Variants in ADH1C observed in about 807,000 individuals in gnomAD.
The protein encoded by ADH1C is alcohol dehydrogenase 1C (class I), gamma polypeptide, also known as alcohol dehydrogenase 1C.
ADH1C carries 26 observed loss-of-function variants against 35.0 expected under a neutral mutation model. The ratio of observed to expected loss-of-function variants is 0.74; its 90% CI spans 0.54 to 1.03. ADH1C has a LOEUF of 1.03. Among genes scored for constraint, ADH1C ranks in the 50% least tolerant of loss-of-function variants. The probability of loss-of-function intolerance (pLI) is 0.00; values close to 1 mark genes in which losing one functional copy is unlikely to be tolerated. For missense variants in ADH1C, 413 were observed against 465.4 expected (o/e 0.89, Z 1.04); for synonymous variants, 170 against 169.3 (o/e 1.00, Z -0.03).
intron 2 of ADH1C, 33 bp downstream of exon 2, chr4:99,347,712 T>TA: frequency 6.4e-7 from 1 of 1,568,246 alleles, no homozygotes; most frequent in Non-Finnish European, 8.7e-7. Context: ...TCTTTAAACT[T>TA]AAAATTAAAT....
chr4:99,351,559 T>C (rs991012242), intron 1 of ADH1C, among the ~76,000 whole-genome samples: 1 of 152,264 alleles, frequency 6.6e-6, no homozygotes, highest in Admixed American at 6.5e-5. Flanking sequence ...TTTTCTTTTT[T>C]CTAATTATTT....
At chr4:99,338,341 T>A (rs1458068351) in intron 8 of ADH1C, among the ~76,000 whole-genome samples, 1 of 141,480 alleles carries the variant, frequency 7.1e-6, no homozygotes, top group Non-Finnish European at 1.5e-5. Context: ...TCTATGATGA[T>A]GTCAATGATA....
At position 99,336,750 on chromosome 4, in the gene ADH1C, T is replaced by C. The variant is rs2298753; in HGVS notation, c.*2A>G. ...GCTACAAGGGAAGGCATCTGTATTG[T>C]TTCAAAACGTCAGGACGGTACGGAT... On this transcript the variant is annotated 3_prime_UTR_variant, in exon 9 of 9. Coordinates refer to ENST00000515683, the MANE Select transcript of ADH1C (RefSeq NM_000669.5). 154,696 of 1,613,352 alleles carry C rather than the reference T, an allele frequency of 0.096. 8,000 individuals carry two copies. The highest frequency in any genetic ancestry group is 0.13 in the Admixed American group (7,845 of 59,936).
At position 99,346,893 on chromosome 4, in the gene ADH1C, C is replaced by G. The variant is rs993596202; in HGVS notation, c.259+113G>C. On this transcript the variant is annotated intron_variant, in intron 3 of 8. Transcript: ENST00000515683. The stretch of plus-strand genomic sequence containing the variant: ...GAGGAAACCCCTGAAGTCCCAGCTT[C>G]CCTGTGACCTTGTGCAAGTCCTTTC... The G allele has an allele frequency of 2.7e-6, 4 of 1,509,302 alleles. No individual in the cohort carries two copies. In the Admixed American group the frequency reaches 8.6e-5, roughly 32 times the overall value. The allele number at this position is 1,509,302 out of a possible 1,614,324, so 93.5% of individuals were successfully genotyped here.
chr4:99,349,997 A>G (rs2110664244), intron 1 of ADH1C, among the ~76,000 whole-genome samples: 1 of 152,350 alleles, frequency 6.6e-6, no homozygotes, highest in South Asian at 2.1e-4. Context: ...TGTACAATTC[A>G]CTGAGCTCTT....
At chr4:99,351,384 A>G (rs1216167234) in intron 1 of ADH1C, among the ~76,000 whole-genome samples, 1 of 152,192 alleles carries the variant, frequency 6.6e-6, no homozygotes, top group East Asian at 1.9e-4. Flanking sequence ...AGGACGGGTA[A>G]ACATAAATGA....
intron 8 of ADH1C, among the ~76,000 whole-genome samples, chr4:99,339,024 TACA>T (rs570810837): frequency 2.0e-3 from 300 of 152,178 alleles, no homozygotes; most frequent in Middle Eastern, 0.014. Flanking sequence ...CCTTCTCTTT[TACA>T]ACAACTTTTC....
Position 99,342,858 on chromosome 4 carries a change from T to C in ADH1C, c.765A>G (p.Leu255=). Residue 255 remains leucine (L), a synonymous_variant, in exon 6 of 9, where the codon CTA becomes CTG. Transcript: ENST00000515683. ...QDYKKPIQEV[L]KEMTDGGVDF... ...CCACACCTCCATCAGTCATTTCCTTTAGCACTTCCTGAATGGGTTTCTTGT... is the reference window on the plus strand; with the variant it reads ...CCACACCTCCATCAGTCATTTCCTTCAGCACTTCCTGAATGGGTTTCTTGT... 1 of 1,614,058 alleles carries C rather than the reference T, an allele frequency of 6.2e-7. No homozygotes were observed. Among genetic ancestry groups the C allele is most frequent in the South Asian group, 1.1e-5 (1 of 91,076 alleles).
intron 1 of ADH1C, among the ~76,000 whole-genome samples, chr4:99,349,864 A>G (rs1734635220): frequency 6.6e-6 from 1 of 152,086 alleles, no homozygotes; most frequent in African/African-American, 2.4e-5. Flanking sequence ...AAACTGGAGA[A>G]ACTGTGTATT....
chr4:99,344,441 G>T (rs1734482034), intron 5 of ADH1C, among the ~76,000 whole-genome samples: 1 of 152,132 alleles, frequency 6.6e-6, no homozygotes, highest in Non-Finnish European at 1.5e-5. Flanking sequence ...TCCTAATTCT[G>T]GGAGGAGAGG....
At chr4:99,344,333 C>G (rs896762963) in intron 5 of ADH1C, among the ~76,000 whole-genome samples, 2 of 152,146 alleles carry the variant, frequency 1.3e-5, no homozygotes, top group African/African-American at 4.8e-5. Flanking sequence ...GTGAATTATG[C>G]ATCACTGAGT....
intron 8 of ADH1C, among the ~76,000 whole-genome samples, chr4:99,338,142 G>A (rs1252337087): frequency 6.6e-6 from 1 of 151,292 alleles, no homozygotes; most frequent in Non-Finnish European, 1.5e-5. Context: ...AAGCATCCAA[G>A]TCACCTTACT....
intron 8 of ADH1C, among the ~76,000 whole-genome samples, chr4:99,338,449 A>T (rs1352198535): frequency 1.9e-4 from 19 of 100,630 alleles, no homozygotes; most frequent in East Asian, 3.2e-4. Flanking sequence ...ATATATACAC[A>T]CTCTTGAGGG....
At chr4:99,338,428 TATATATATATATATATAC>T (rs1264425287) in intron 8 of ADH1C, among the ~76,000 whole-genome samples, 1,770 of 84,596 alleles carry the variant, frequency 0.021, 265 homozygotes, top group African/African-American at 0.068. Flanking sequence ...TATATATATA[TATATATATATATATATAC>T]ACACTCTTGA....
chr4:99,339,069 A>G (rs1039528424), intron 8 of ADH1C, among the ~76,000 whole-genome samples: 4 of 152,046 alleles, frequency 2.6e-5, no homozygotes, highest in Non-Finnish European at 5.9e-5. Context: ...ACTGCAAAGA[A>G]AAGAAAAGAA....
At position 99,343,012 on chromosome 4, in the gene ADH1C, AC is replaced by A; in HGVS notation, c.610del (p.Val204SerfsTer52). 6.2e-7 allele frequency: 1 copy of A among 1,613,922 alleles called. No homozygotes were observed. The part of the protein sequence containing the change: ...STCAVFGLGG[V>X]GLSVVMGCKA... ...ACAGCCCATAACAACAGATAGGCCG[AC>A]CCCTCCCAGGCCAAACACAGCACAG... On this transcript the variant is annotated frameshift_variant, in exon 6 of 9. Transcript: ENST00000515683. LOFTEE classifies it high-confidence loss of function.
rs566147107 is a variant in ADH1C at position 99,346,567 on chromosome 4, C to T, written c.259+439G>A. Among the ~76,000 whole-genome samples the T allele has an allele frequency of 2.0e-5, 3 of 152,230 alleles. No individual in the cohort carries two copies. In the East Asian group the frequency reaches 5.8e-4, roughly 29 times the overall value. Reference sequence around the variant, plus strand: ...AAGGTCATGTTTCTTCAGCCATAACCATGCAGCCTCCATTTTGTGAACTCA... The same window carrying T: ...AAGGTCATGTTTCTTCAGCCATAACTATGCAGCCTCCATTTTGTGAACTCA... On this transcript the variant is annotated intron_variant, in intron 3 of 8. Transcript: ENST00000515683.
chr4:99,340,741 A>T (rs1214935845), intron 6 of ADH1C, 31 bp from the exon 7 acceptor site: 1 of 1,611,906 alleles, frequency 6.2e-7, no homozygotes, highest in Admixed American at 1.7e-5. Flanking sequence ...AGTATCCTTA[A>T]CGTGGAGTGG....
At chr4:99,338,212 T>C (rs1789901) in intron 8 of ADH1C, among the ~76,000 whole-genome samples, 34,795 of 150,328 alleles carry the variant, frequency 0.23, 4,792 homozygotes, top group Non-Finnish European at 0.31. Context: ...TTTATTTACA[T>C]ATGCGTATTA....
Sources: allele counts gnomAD v4.1 joint callset (sites outside exome capture counted in the v4.1 genomes callset), GRCh38; gene constraint gnomAD v4.1.1; transcripts MANE v1.5; gene names NCBI Gene and HGNC (gene_info 2026-07-23, HGNC 2026-07-21).